FHIT: variants seen among roughly 807,000 people sequenced by gnomAD.
The protein encoded by FHIT is bis(5'-adenosyl)-triphosphatase.
Under a neutral mutation model 17.9 loss-of-function variants are expected in FHIT, and 19 were observed. The ratio of observed to expected loss-of-function variants is 1.06; its 90% CI spans 0.74 to 1.56. The LOEUF (loss-of-function observed/expected upper bound fraction) is 1.56. Ranked by LOEUF, FHIT falls within the 40% of genes most tolerant of loss-of-function variation. The pLI is 0.00. For synonymous variants in FHIT, 81 were observed against 69.7 expected (o/e 1.16, Z -0.81); for missense variants, 248 against 189.2 (o/e 1.31, Z -1.82).
chr3:60,108,244 T>C (rs1704512947), intron 5 of FHIT, among the ~76,000 whole-genome samples: 1 of 152,204 alleles, frequency 6.6e-6, no homozygotes, highest in East Asian at 1.9e-4. Flanking sequence ...GGGGAGTTCC[T>C]CTGAATTGAC....
chr3:60,106,510 T>A (rs553742312), intron 5 of FHIT, among the ~76,000 whole-genome samples: 1 of 152,284 alleles, frequency 6.6e-6, no homozygotes, highest in East Asian at 1.9e-4. Flanking sequence ...TGAACAGAAA[T>A]GTGTTCGTTC....
intron 5 of FHIT, among the ~76,000 whole-genome samples, chr3:60,437,526 C>T (rs1038493898): frequency 2.0e-5 from 3 of 152,164 alleles, no homozygotes; most frequent in South Asian, 4.1e-4. Flanking sequence ...TAAGAGTTTA[C>T]TACATCCTAT....
intron 4 of FHIT, among the ~76,000 whole-genome samples, chr3:60,754,345 A>G (rs554170905): frequency 6.6e-6 from 1 of 152,340 alleles, no homozygotes; most frequent in East Asian, 1.9e-4. Context: ...CTTAAGCGTG[A>G]TATCAACAGG....
In FHIT at chr3:59,963,037, C is replaced by T. The variant is rs113416880; in HGVS notation, c.280-40623G>A. Among the ~76,000 whole-genome samples, 442 of 152,206 alleles carry T rather than the reference C, an allele frequency of 2.9e-3. 3 individuals are homozygous for T. The highest frequency in any genetic ancestry group is 0.01 in the African/African-American group (422 of 41,534). On this transcript the variant is annotated intron_variant, in intron 7 of 9. Coordinates refer to ENST00000492590, the MANE Select transcript of FHIT (RefSeq NM_002012.4). ...TTGGGAGGCCAAAGCGGGCAGATCA[C>T]GAGGTCAGGAGATACAGACCATCCT...
chr3:60,693,305 A>T (rs574572238), intron 4 of FHIT, among the ~76,000 whole-genome samples: 1 of 152,322 alleles, frequency 6.6e-6, no homozygotes, highest in African/African-American at 2.4e-5. Flanking sequence ...AACTGTAAAA[A>T]TGTTTTCTTT....
chr3:60,312,668 C>T (rs111559664), intron 5 of FHIT, among the ~76,000 whole-genome samples: 1 of 152,066 alleles, frequency 6.6e-6, no homozygotes, highest in Non-Finnish European at 1.5e-5. Flanking sequence ...CTCCTGCCAG[C>T]CTATCAACTA....
intron 5 of FHIT, among the ~76,000 whole-genome samples, chr3:60,449,846 T>G (rs1199621931): frequency 6.6e-6 from 1 of 151,080 alleles, no homozygotes; most frequent in Non-Finnish European, 1.5e-5. Flanking sequence ...CTACTAAAAA[T>G]ACGAAAATTA....
intron 2 of FHIT, among the ~76,000 whole-genome samples, chr3:61,195,912 C>T (rs2038840032): frequency 6.6e-6 from 1 of 152,138 alleles, no homozygotes; most frequent in South Asian, 2.1e-4. Flanking sequence ...TTTAAAAGCA[C>T]ATATTAATTC....
intron 5 of FHIT, among the ~76,000 whole-genome samples, chr3:60,496,131 T>C (rs1282343775): frequency 2.0e-5 from 3 of 151,768 alleles, no homozygotes; most frequent in African/African-American, 7.3e-5. Flanking sequence ...CAAAAGGAAA[T>C]TATTAAATTT....
chr3:59,881,969 C>T (rs981794045), intron 8 of FHIT, among the ~76,000 whole-genome samples: 1 of 152,110 alleles, frequency 6.6e-6, no homozygotes, highest in Non-Finnish European at 1.5e-5. Context: ...AAAAAATTTA[C>T]CATGAGGTGC....
Position 60,956,133 on chromosome 3 carries a change from T to C in FHIT, c.-111+85914A>G, listed in dbSNP as rs561141701. ...TTACAAGATTTTGTTCTAATCCAAA[T>C]AGAGTATTAATGAAAAATTGTTGTA... On this transcript the variant is annotated intron_variant, in intron 3 of 9. Transcript: ENST00000492590. 4.6e-5 allele frequency among the ~76,000 whole-genome samples: 7 copies of C among 152,288 alleles called. No individual in the cohort carries two copies. The East Asian group carries it at 9.6e-4, about 21-fold the overall frequency.
intron 8 of FHIT, among the ~76,000 whole-genome samples, chr3:59,908,843 C>CTTTTTTTTTTTTTTTTTTTTTTTTTTTT (rs1264578670): frequency 6.6e-6 from 1 of 150,742 alleles, no homozygotes; most frequent in Non-Finnish European, 1.5e-5. Context: ...AAGAACATTT[C>CTTTTTTTTTTTTTTTTTTTTTTTTTTTT]ATTTTTTAAT....
chr3:60,699,689 T>TA (rs56046679), intron 4 of FHIT, among the ~76,000 whole-genome samples: 123,288 of 139,878 alleles, frequency 0.88, 53,837 homozygotes, highest in East Asian at 0.99. Flanking sequence ...TAGAGTATAA[T>TA]AAAAAAAAAT....
chr3:60,479,065 C>A (rs1001592264), intron 5 of FHIT, among the ~76,000 whole-genome samples: 3 of 152,152 alleles, frequency 2.0e-5, no homozygotes, highest in African/African-American at 7.2e-5. Context: ...GAGGACTAGA[C>A]TTGAGGGGCC....
intron 8 of FHIT, among the ~76,000 whole-genome samples, chr3:59,785,067 G>A (rs1049427114): frequency 4.0e-5 from 6 of 151,832 alleles, no homozygotes; most frequent in Admixed American, 3.9e-4. Context: ...GGGAGTTGCC[G>A]CACACTTTTA....
chr3:60,322,952 G>A (rs1709501081), intron 5 of FHIT, among the ~76,000 whole-genome samples: 2 of 152,168 alleles, frequency 1.3e-5, no homozygotes, highest in African/African-American at 4.8e-5. Flanking sequence ...AATAAAAGGA[G>A]CAGAAGGACT....
At chr3:59,833,179 T>C (rs1701224345) in intron 8 of FHIT, among the ~76,000 whole-genome samples, 1 of 152,172 alleles carries the variant, frequency 6.6e-6, no homozygotes, top group Non-Finnish European at 1.5e-5. Context: ...ACTGGGTTCC[T>C]TCTCCACCCC....
intron 5 of FHIT, among the ~76,000 whole-genome samples, chr3:60,115,885 T>C (rs1307038518): frequency 6.6e-6 from 1 of 152,128 alleles, no homozygotes; most frequent in Non-Finnish European, 1.5e-5. Context: ...CATATATGCA[T>C]ATATGCATTT....
At chr3:60,611,564 T>C (rs1177321904) in intron 4 of FHIT, among the ~76,000 whole-genome samples, 1 of 152,172 alleles carries the variant, frequency 6.6e-6, no homozygotes, top group Admixed American at 6.5e-5. Flanking sequence ...AAAGAAACCA[T>C]TGTTCCTCAT....
Sources: allele counts gnomAD v4.1 joint callset (sites outside exome capture counted in the v4.1 genomes callset), GRCh38; gene constraint gnomAD v4.1.1; transcripts MANE v1.5; gene names NCBI Gene and HGNC (gene_info 2026-07-23, HGNC 2026-07-21).